Variants in DMD observed in about 807,000 individuals in gnomAD.
DMD encodes the protein dystrophin, also known as mutant dystrophin.
A neutral mutation model predicts 330.1 loss-of-function variants in DMD; 63 were observed. That is an observed-to-expected ratio of 0.19 (90% CI 0.16 to 0.24). DMD has a LOEUF of 0.24. Ranked by LOEUF, DMD falls within the 10% of genes least tolerant of loss-of-function variation. The pLI is 1.00. For missense variants in DMD, 3,344 were observed against 2,684.1 expected, an observed-to-expected ratio of 1.25 and a Z score of -5.43; for synonymous variants, 1,223 against 959.8, an observed-to-expected ratio of 1.27 and a Z score of -5.07.
intron 44 of DMD, among the ~76,000 whole-genome samples, chrX:31,973,283 C>T (rs1490181367): frequency 1.1e-4 from 11 of 96,349 alleles, no homozygotes; most frequent in Admixed American, 6.9e-4. Context: ...GAGAGAAGGG[C>T]AAAATAGTAT....
intron 47 of DMD, among the ~76,000 whole-genome samples, chrX:31,878,287 C>CT (rs1161716521): frequency 3.6e-5 from 4 of 111,667 alleles, no homozygotes; most frequent in Non-Finnish European, 7.5e-5. Flanking sequence ...TGCTATTTAA[C>CT]TTTCTATTTA....
At chrX:32,225,003 A>G (rs980899813) in intron 43 of DMD, among the ~76,000 whole-genome samples, 4 of 111,927 alleles carry the variant, frequency 3.6e-5, no homozygotes, top group Admixed American at 9.5e-5. Context: ...CCTCTTTCCC[A>G]TTATAGGGGA....
chrX:32,787,250 GAGAGAGAGAGAGAGAGAGAGAGAA>G (rs1569521638), intron 7 of DMD, among the ~76,000 whole-genome samples: 1 of 87,512 alleles, frequency 1.1e-5, no homozygotes, highest in Non-Finnish European at 2.4e-5. Context: ...GTGTGTGTGA[GAGAGAGAGAGAGAGAGAGAGAGAA>G]AGAGAGAGAG....
chrX:33,065,825 A>G lies in DMD; in HGVS notation c.32-45625T>C, dbSNP rs1012757593. On this transcript the variant is annotated intron_variant, in intron 1 of 78. Transcript: ENST00000357033. ...TACAATGCCCTACATAATAGTATGC[A>G]AGGGCAATGCTACCTCCTTCGACCT... 2.7e-5 allele frequency among the ~76,000 whole-genome samples: 3 copies of G among 112,322 alleles called. No individual in the cohort carries two copies. In the Admixed American group the frequency reaches 2.8e-4, roughly 11 times the overall value.
chrX:32,621,842 C>G (rs374709808), intron 11 of DMD, among the ~76,000 whole-genome samples: 19 of 111,219 alleles, frequency 1.7e-4, no homozygotes, highest in African/African-American at 5.6e-4. Context: ...ACAGCATCAG[C>G]CCATCCCCTA....
chrX:32,152,699 T>C (rs1048396844), intron 44 of DMD, among the ~76,000 whole-genome samples: 18 of 111,673 alleles, frequency 1.6e-4, no homozygotes, highest in African/African-American at 5.8e-4. Context: ...ATTTTTAAAG[T>C]AGAAAAATCC....
chrX:32,525,008 CATATTA>C (rs2046812112), intron 17 of DMD, among the ~76,000 whole-genome samples: 1 of 111,837 alleles, frequency 8.9e-6, no homozygotes, highest in African/African-American at 3.3e-5. Flanking sequence ...AACAAAGAAA[CATATTA>C]ATGAGTTTGG....
intron 42 of DMD, among the ~76,000 whole-genome samples, chrX:32,298,457 A>G (rs1011695361): frequency 2.7e-5 from 3 of 109,501 alleles, no homozygotes; most frequent in East Asian, 2.9e-4. Flanking sequence ...AGGGTGTAAG[A>G]TTTTAACATG....
At chrX:32,137,081 C>CT (rs369890195) in intron 44 of DMD, among the ~76,000 whole-genome samples, 80 of 112,111 alleles carry the variant, frequency 7.1e-4, no homozygotes, top group African/African-American at 1.6e-3. Flanking sequence ...TAACATAAAA[C>CT]TTTTTTTAAA....
chrX:31,653,789 G>C lies in DMD; in HGVS notation c.8027+4201C>G, dbSNP rs148844213. Reference sequence around the variant, plus strand: ...AGATTGAAGACAAAGAAATGAACTTGCAGAGGCTCACATTTCTGGCTTTAT... The same window carrying C: ...AGATTGAAGACAAAGAAATGAACTTCCAGAGGCTCACATTTCTGGCTTTAT... On this transcript the variant is annotated intron_variant, in intron 54 of 78. Transcript: ENST00000357033. 1.4e-4 allele frequency among the ~76,000 whole-genome samples: 16 copies of C among 111,180 alleles called. 1 individual carries two copies. Among genetic ancestry groups the C allele is most frequent in the African/African-American group, 5.2e-4 (16 of 30,733 alleles).
chrX:32,923,024 T>C (rs1294682567), intron 2 of DMD, among the ~76,000 whole-genome samples: 1 of 111,768 alleles, frequency 8.9e-6, no homozygotes, highest in Non-Finnish European at 1.9e-5. Flanking sequence ...TTCCTATATT[T>C]TAACAGAAAT....
At chrX:31,560,187 T>A (rs2075115343) in intron 55 of DMD, among the ~76,000 whole-genome samples, 1 of 111,922 alleles carries the variant, frequency 8.9e-6, no homozygotes, top group Admixed American at 9.5e-5. Flanking sequence ...TGCATGCAGA[T>A]CTTTTGGGGA....
intron 4 of DMD, among the ~76,000 whole-genome samples, chrX:32,828,867 T>A (rs2078954676): frequency 1.8e-5 from 2 of 111,529 alleles, no homozygotes. Flanking sequence ...TTTCCATGAT[T>A]CCTTGTGCAT....
At chrX:33,030,502 G>A (rs1055550339) in intron 1 of DMD, among the ~76,000 whole-genome samples, 21 of 111,988 alleles carry the variant, frequency 1.9e-4, no homozygotes, top group African/African-American at 6.8e-4. Context: ...GAGTATGTGG[G>A]TGTAGACTTG....
At chrX:31,493,042 G>A (rs765533836) in intron 57 of DMD, among the ~76,000 whole-genome samples, 1 of 111,473 alleles carries the variant, frequency 9.0e-6, no homozygotes, top group African/African-American at 3.3e-5. Context: ...AAAAACCTGT[G>A]CATCAAAGTA....
At chrX:32,190,265 A>T (rs1019721904) in intron 44 of DMD, among the ~76,000 whole-genome samples, 4 of 110,182 alleles carry the variant, frequency 3.6e-5, no homozygotes, top group Non-Finnish European at 7.6e-5. Context: ...CTGAACTTTG[A>T]CGTTTACACA....
intron 68 of DMD, among the ~76,000 whole-genome samples, chrX:31,181,297 T>C (rs185082141): frequency 8.9e-6 from 1 of 111,869 alleles, no homozygotes; most frequent in East Asian, 2.8e-4. Context: ...GAAAGCTATC[T>C]TTTTTAGATT....
At chrX:31,653,153 C>A (rs1401933983) in intron 54 of DMD, among the ~76,000 whole-genome samples, 1 of 110,510 alleles carries the variant, frequency 9.0e-6, no homozygotes. Flanking sequence ...TGAGAAAGGA[C>A]CTAGGAATAG....
chrX:33,093,234 C>G (rs908185830), intron 1 of DMD, among the ~76,000 whole-genome samples: 14 of 112,126 alleles, frequency 1.2e-4, no homozygotes, highest in African/African-American at 4.2e-4. Flanking sequence ...ACAATAGGAG[C>G]TTTGCATAAG....
Sources: allele counts gnomAD v4.1 joint callset (sites outside exome capture counted in the v4.1 genomes callset), GRCh38; gene constraint gnomAD v4.1.1; transcripts MANE v1.5; gene names NCBI Gene and HGNC (gene_info 2026-07-23, HGNC 2026-07-21).